Variants in ARHGEF3 observed in about 807,000 individuals in gnomAD.
ARHGEF3 encodes 59.8 kDA protein.
Under a neutral mutation model 63.2 loss-of-function variants are expected in ARHGEF3, and 28 were observed. That is an observed-to-expected ratio of 0.44 (90% CI 0.33 to 0.61). The LOEUF is 0.61. ARHGEF3 is among the 20% of genes least tolerant of loss of function. ARHGEF3 has a pLI of 0.03. For synonymous variants in ARHGEF3, 266 were observed against 254.2 expected (o/e 1.05, Z -0.44); for missense variants, 533 against 659.3 (o/e 0.81, Z 2.10).
intron 2 of ARHGEF3, among the ~76,000 whole-genome samples, chr3:57,029,657 A>T (rs1460820825): frequency 2.6e-5 from 4 of 152,162 alleles, no homozygotes; most frequent in Non-Finnish European, 1.5e-5. Context: ...GCACTGGCCA[A>T]ACAAATTTGA....
intron 1 of ARHGEF3, among the ~76,000 whole-genome samples, chr3:56,774,444 C>T (rs1020570617): frequency 3.3e-4 from 50 of 152,102 alleles, no homozygotes; most frequent in African/African-American, 1.1e-3. Flanking sequence ...AGAAAAAGCC[C>T]TACCACGGAC....
chr3:56,966,321 C>T (rs1388395061), intron 2 of ARHGEF3, among the ~76,000 whole-genome samples: 1 of 152,222 alleles, frequency 6.6e-6, no homozygotes, highest in Admixed American at 6.5e-5. Flanking sequence ...AGGATGAGGG[C>T]CCTGGAAGGG....
rs2032848861 is a variant in ARHGEF3 at position 56,728,114 on chromosome 3, T to A, written c.*1156A>T. 1 of 152,646 alleles carries A rather than the reference T, an allele frequency of 6.6e-6. No individual in the cohort carries two copies. The allele number at this position is 152,646 out of a possible 1,614,324, so 9.5% of individuals were successfully genotyped here. ...GTAAATCAAGGCTGGACAAAGAGGTTACTAATCTGGCTAGCTGATTCTAAT... is the reference window on the plus strand; with the variant it reads ...GTAAATCAAGGCTGGACAAAGAGGTAACTAATCTGGCTAGCTGATTCTAAT... On this transcript the variant is annotated 3_prime_UTR_variant, in exon 10 of 10. Transcript: ENST00000296315.
intron 3 of ARHGEF3, among the ~76,000 whole-genome samples, chr3:56,950,726 C>G (rs578011406): frequency 6.6e-6 from 1 of 152,122 alleles, no homozygotes; most frequent in South Asian, 2.1e-4. Context: ...TGTGGCGATT[C>G]CTCAGGGATC....
intron 4 of ARHGEF3, among the ~76,000 whole-genome samples, chr3:56,808,090 C>T (rs901253484): frequency 6.7e-6 from 1 of 150,260 alleles, no homozygotes; most frequent in African/African-American, 2.5e-5. Context: ...TGCCACTGCA[C>T]TCTAGCCTGG....
At position 57,067,696 on chromosome 3, in the gene ARHGEF3, G is replaced by A. The variant is rs541452277; in HGVS notation, c.-28+11530C>T. ...CAAAAAATTTAAAAAATTAGCCGGCGTGAGACCAGGCACGGTGGCTCATGC... is the reference window on the plus strand; with the variant it reads ...CAAAAAATTTAAAAAATTAGCCGGCATGAGACCAGGCACGGTGGCTCATGC... On this transcript the variant is annotated intron_variant, in intron 1 of 12. Transcript: ENST00000338458. 2.1e-4 allele frequency among the ~76,000 whole-genome samples: 32 copies of A among 149,890 alleles called. No homozygotes were observed. The South Asian group carries it at 4.0e-3, about 19-fold the overall frequency.
intron 2 of ARHGEF3, among the ~76,000 whole-genome samples, chr3:56,973,147 G>T (rs888352708): frequency 2.6e-5 from 4 of 151,906 alleles, no homozygotes; most frequent in African/African-American, 9.7e-5. Flanking sequence ...CTCCCGAGTA[G>T]CTGGGACTAC....
Position 57,078,993 on chromosome 3 carries a change from G to A in ARHGEF3, c.-28+233C>T, listed in dbSNP as rs200266483. 3.9e-3 allele frequency: 1,306 copies of A among 336,378 alleles called. 30 individuals carry two copies. In the East Asian group the frequency reaches 0.051, roughly 13 times the overall value. The allele number at this position is 336,378 out of a possible 1,614,324, so 20.8% of individuals were successfully genotyped here. ...CGCTGCGCCCAGTGCGCCCCCGTGC[G>A]CTGGGCATACCCCAGACCAGGGAGC... On this transcript the variant is annotated intron_variant, in intron 1 of 12. Coordinates refer to the ARHGEF3 transcript ENST00000338458.
At chr3:56,805,538 G>A (rs905169003), upstream of ARHGEF3, among the ~76,000 whole-genome samples, 3 of 152,118 alleles carry the variant, frequency 2.0e-5, no homozygotes, top group Non-Finnish European at 4.4e-5. Flanking sequence ...CCTGGCCTCC[G>A]AAGAAATGTT....
chr3:56,962,561 G>A (rs1700326460), intron 2 of ARHGEF3, among the ~76,000 whole-genome samples: 1 of 152,198 alleles, frequency 6.6e-6, no homozygotes, highest in African/African-American at 2.4e-5. Flanking sequence ...GGATAAGTAT[G>A]ACCACTTCCA....
intron 1 of ARHGEF3, among the ~76,000 whole-genome samples, chr3:57,042,682 ATATATATATATATATATATTT>A (rs1327574905): frequency 1.7e-4 from 3 of 17,310 alleles, no homozygotes; most frequent in Non-Finnish European, 2.6e-4. Context: ...ATATATATAT[ATATATATATATATATATATTT>A]TTTTTTTTTT....
intron 2 of ARHGEF3, chr3:56,975,697 A>G (rs1701098632): frequency 1.1e-5 from 4 of 347,880 alleles, no homozygotes; most frequent in Non-Finnish European, 2.2e-5. Context: ...ACAGAGAAAC[A>G]GATGTTAAAA....
chr3:57,005,341 G>A (rs937678893), intron 2 of ARHGEF3, among the ~76,000 whole-genome samples: 4 of 152,140 alleles, frequency 2.6e-5, no homozygotes, highest in African/African-American at 9.7e-5. Flanking sequence ...AAAGTAGCTT[G>A]CCCACGAACC....
chr3:56,868,686 G>C (rs2040337631), intron 4 of ARHGEF3, among the ~76,000 whole-genome samples: 1 of 152,132 alleles, frequency 6.6e-6, no homozygotes, highest in African/African-American at 2.4e-5. Flanking sequence ...TTCTAAGAGA[G>C]AAAAATATTA....
intron 1 of ARHGEF3, among the ~76,000 whole-genome samples, chr3:57,046,949 A>G (rs1704478364): frequency 6.6e-6 from 1 of 152,240 alleles, no homozygotes; most frequent in Non-Finnish European, 1.5e-5. Context: ...GTGATTCCAT[A>G]ATACCATAAT....
rs140827754 is a variant in ARHGEF3, at chr3:56,893,291, C to T, written c.130-10937G>A. 8.5e-5 allele frequency among the ~76,000 whole-genome samples: 13 copies of T among 152,290 alleles called. No homozygotes were observed. In the South Asian group the frequency reaches 2.1e-3, roughly 24 times the overall value. On this transcript the variant is annotated intron_variant, in intron 3 of 12. Transcript: ENST00000338458. Reference sequence around the variant, plus strand: ...CTCCTGAGCTCAAGGGATCCTCCCACCTTAGCCTCCCAAGTAGCTAGGATT... The same window carrying T: ...CTCCTGAGCTCAAGGGATCCTCCCATCTTAGCCTCCCAAGTAGCTAGGATT...
intron 1 of ARHGEF3, among the ~76,000 whole-genome samples, chr3:56,779,639 TAAG>T (rs1037211889): frequency 1.6e-4 from 25 of 152,240 alleles, no homozygotes; most frequent in Non-Finnish European, 1.3e-4. Context: ...TTCCCAGCTA[TAAG>T]CTTTACTTCA....
At chr3:56,758,440 A>T (rs974362805) in intron 2 of ARHGEF3, among the ~76,000 whole-genome samples, 19 of 152,068 alleles carry the variant, frequency 1.2e-4, no homozygotes, top group African/African-American at 2.6e-4. Context: ...AAATTAAAAA[A>T]ATATATATAG....
chr3:56,998,281 C>T, intron 2 of ARHGEF3, among the ~76,000 whole-genome samples: 1 of 151,968 alleles, frequency 6.6e-6, no homozygotes, highest in Admixed American at 6.6e-5. Context: ...AGAAAGAGGC[C>T]CTCCACTCAC....
Sources: gnomAD v4.1 joint callset for allele counts (sites outside exome capture counted in the v4.1 genomes callset) on GRCh38, gnomAD v4.1.1 for gene constraint, MANE v1.5 for transcripts, NCBI Gene and HGNC (gene_info 2026-07-23, HGNC 2026-07-21) for gene names.